The following CACNA1C variants were observed in gnomAD, a reference collection of about 807,000 sequenced individuals.
CACNA1C encodes the protein voltage-dependent L-type calcium channel subunit alpha-1C.
Under a neutral mutation model 229.0 loss-of-function variants are expected in CACNA1C, and 30 were observed. The ratio of observed to expected loss-of-function variants is 0.13; its 90% CI spans 0.10 to 0.18. The LOEUF is 0.18. Ranked by LOEUF, CACNA1C falls within the 10% of genes least tolerant of loss-of-function variation. The probability of loss-of-function intolerance (pLI) is 1.00; values close to 1 mark genes in which losing one functional copy is unlikely to be tolerated. For missense variants in CACNA1C, 1,658 were observed against 2,845.0 expected (o/e 0.58, Z 9.49); for synonymous variants, 1,114 against 1,132.5 (o/e 0.98, Z 0.33).
At chr12:1,984,907 T>A (rs1028653742) in intron 1 of CACNA1C, among the ~76,000 whole-genome samples, 1 of 152,078 alleles carries the variant, frequency 6.6e-6, no homozygotes, top group African/African-American at 2.4e-5. Flanking sequence ...GCTCTTTTAT[T>A]TCCAAACTTG....
At chr12:2,444,623 A>C (rs912981308) in intron 3 of CACNA1C, among the ~76,000 whole-genome samples, 1 of 152,024 alleles carries the variant, frequency 6.6e-6, no homozygotes. Flanking sequence ...TTCATAACTG[A>C]TGTCTCTACC....
At chr12:2,087,808 A>C (rs1215148336) in intron 1 of CACNA1C, among the ~76,000 whole-genome samples, 1 of 152,206 alleles carries the variant, frequency 6.6e-6, no homozygotes, top group African/African-American at 2.4e-5. Flanking sequence ...TTTGAAAAAA[A>C]TAAAAAAGCT....
At chr12:2,341,629 C>A (rs2096867184) in intron 3 of CACNA1C, among the ~76,000 whole-genome samples, 1 of 152,188 alleles carries the variant, frequency 6.6e-6, no homozygotes, top group African/African-American at 2.4e-5. Flanking sequence ...TGTCTTCTTG[C>A]CTTTGTGGGT....
At chr12:2,176,779 G>C (rs2096658681) in intron 3 of CACNA1C, among the ~76,000 whole-genome samples, 2 of 152,146 alleles carry the variant, frequency 1.3e-5, no homozygotes, top group African/African-American at 4.8e-5. Flanking sequence ...CAGAGAACTG[G>C]AATTCCATTT....
At chr12:2,590,806 C>G (rs1177763415) in intron 18 of CACNA1C, among the ~76,000 whole-genome samples, 1 of 152,188 alleles carries the variant, frequency 6.6e-6, no homozygotes, top group East Asian at 1.9e-4. Context: ...ATAAAATTAC[C>G]TGTTATCAAA....
At chr12:2,670,597 G>A (rs968140978) in intron 38 of CACNA1C, among the ~76,000 whole-genome samples, 13 of 152,014 alleles carry the variant, frequency 8.6e-5, no homozygotes, top group African/African-American at 2.2e-4. Flanking sequence ...GTGCTGGCTC[G>A]TGCCTGTAAT....
intron 3 of CACNA1C, among the ~76,000 whole-genome samples, chr12:2,180,885 T>A (rs2096820258): frequency 6.6e-6 from 1 of 152,218 alleles, no homozygotes; most frequent in Admixed American, 6.5e-5. Context: ...TATGGGGTGC[T>A]GAATACTGCA....
rs532579705 is a variant in CACNA1C, at chr12:2,042,397, A to G, written c.139+71196A>G. ...TGAATTTTCATCACAGATACTATTA[A>G]TGTACAACTGAGCAAAACAACATAT... On this transcript the variant is annotated intron_variant, in intron 1 of 46. Coordinates refer to the CACNA1C transcript ENST00000682462. Among the ~76,000 whole-genome samples, 11 of 152,328 alleles carry G rather than the reference A, an allele frequency of 7.2e-5. No individual in the cohort carries two copies. The South Asian group carries it at 2.3e-3, about 32-fold the overall frequency.
At chr12:2,045,149 A>G (rs933829513) in intron 1 of CACNA1C, among the ~76,000 whole-genome samples, 1 of 152,210 alleles carries the variant, frequency 6.6e-6, no homozygotes, top group African/African-American at 2.4e-5. Context: ...CTGATGGCCA[A>G]ATAAATGTGT....
rs1057066158 is a variant in CACNA1C at position 2,467,888 on chromosome 12, G to A, written c.757+10182G>A. 6.6e-6 allele frequency among the ~76,000 whole-genome samples: 1 copy of A among 152,218 alleles called. No individual in the cohort carries two copies. The highest frequency in any genetic ancestry group is 2.4e-5 in the African/African-American group (1 of 41,466). ...TGCGACTTCTCTGTTGCCCTGCCAGGTGCTTTGCCTCGGTTTCTCAATCTA... is the reference window on the plus strand; with the variant it reads ...TGCGACTTCTCTGTTGCCCTGCCAGATGCTTTGCCTCGGTTTCTCAATCTA... On this transcript the variant is annotated intron_variant, in intron 5 of 46. Coordinates refer to ENST00000399655, the MANE Select transcript of CACNA1C (RefSeq NM_000719.7). This position sits in a 1 kb window ranked among gnomAD's most constrained non-coding sequence, Gnocchi z 4.6.
intron 1 of CACNA1C, among the ~76,000 whole-genome samples, chr12:2,065,602 C>T (rs971774868): frequency 4.6e-5 from 7 of 152,040 alleles, no homozygotes; most frequent in African/African-American, 1.5e-4. Flanking sequence ...CACAGACATC[C>T]GCAACTGTAA....
At chr12:2,619,690 T>C (rs2082327879) in intron 29 of CACNA1C, among the ~76,000 whole-genome samples, 1 of 152,106 alleles carries the variant, frequency 6.6e-6, no homozygotes, top group African/African-American at 2.4e-5. Context: ...TCTCGGTGCC[T>C]AGGCCTTGCC....
intron 3 of CACNA1C, among the ~76,000 whole-genome samples, chr12:2,230,375 G>C (rs1412015960): frequency 6.6e-6 from 1 of 152,194 alleles, no homozygotes; most frequent in Non-Finnish European, 1.5e-5. Flanking sequence ...AGGAGCAATG[G>C]CGGTCCCGGA....
intron 4 of CACNA1C, among the ~76,000 whole-genome samples, chr12:2,452,620 T>A (rs562793420): frequency 7.9e-5 from 12 of 152,296 alleles, no homozygotes; most frequent in African/African-American, 2.9e-4. Context: ...GCCTTTAGAA[T>A]GTCTCATTGA....
intron 3 of CACNA1C, among the ~76,000 whole-genome samples, chr12:2,434,896 T>C (rs1049057280): frequency 1.3e-5 from 2 of 152,242 alleles, no homozygotes; most frequent in Non-Finnish European, 2.9e-5. Flanking sequence ...CTAGTTCATC[T>C]AAAGATTGCT....
chr12:2,178,987 A>G (rs548493836), intron 3 of CACNA1C, among the ~76,000 whole-genome samples: 202 of 152,250 alleles, frequency 1.3e-3, no homozygotes, highest in Non-Finnish European at 2.5e-3. Context: ...GCTTGAACCC[A>G]GAAGGTAAAG....
chr12:2,624,060 G>A (rs2084899330), intron 29 of CACNA1C, among the ~76,000 whole-genome samples: 1 of 152,226 alleles, frequency 6.6e-6, no homozygotes, highest in African/African-American at 2.4e-5. Flanking sequence ...TGGGCCCTGA[G>A]ACTACCTCAG....
At chr12:2,515,309 G>A (rs1257075351) in intron 9 of CACNA1C, among the ~76,000 whole-genome samples, 2 of 152,172 alleles carry the variant, frequency 1.3e-5, no homozygotes, top group Non-Finnish European at 2.9e-5. Flanking sequence ...ATTAAAAGTA[G>A]AATTGATGTG....
At chr12:2,339,704 C>T (rs1365551283) in intron 3 of CACNA1C, among the ~76,000 whole-genome samples, 6 of 152,140 alleles carry the variant, frequency 3.9e-5, no homozygotes, top group Admixed American at 6.5e-5. Flanking sequence ...CGCAGGTCAT[C>T]AAGATGTCAT....
Sources: allele counts gnomAD v4.1 joint callset (sites outside exome capture counted in the v4.1 genomes callset), GRCh38; gene constraint gnomAD v4.1.1; non-coding constraint Gnocchi (gnomAD v3.1); transcripts MANE v1.5; gene names NCBI Gene and HGNC (gene_info 2026-07-23, HGNC 2026-07-21).